The following NCAM1 variants were observed in gnomAD, a reference collection of about 807,000 sequenced individuals.
NCAM1 encodes antigen recognized by monoclonal antibody 5.1H11.
In NCAM1, 14 loss-of-function variants were observed where a neutral mutation model predicts 109.8. The observed-to-expected ratio is 0.13, with a 90% CI of 0.08 to 0.20. NCAM1 has a LOEUF of 0.20. Ranked by LOEUF, NCAM1 falls within the 10% of genes least tolerant of loss-of-function variation. The probability of loss-of-function intolerance (pLI) is 1.00; values close to 1 mark genes in which losing one functional copy is unlikely to be tolerated. For synonymous variants in NCAM1, 418 were observed against 442.9 expected, an observed-to-expected ratio of 0.94 and a Z score of 0.70; for missense variants, 774 against 1,109.9, an observed-to-expected ratio of 0.70 and a Z score of 4.30.
intron 1 of NCAM1, among the ~76,000 whole-genome samples, chr11:112,990,272 G>A (rs782666220): frequency 2.0e-5 from 3 of 152,116 alleles, no homozygotes; most frequent in Non-Finnish European, 2.9e-5. Context: ...CACTGGTTGG[G>A]TCCTTGGGCA....
intron 7 of NCAM1, among the ~76,000 whole-genome samples, chr11:113,212,774 C>T (rs935167498): frequency 7.9e-5 from 12 of 152,146 alleles, no homozygotes; most frequent in Non-Finnish European, 1.5e-4. Context: ...CCCTCTAAAA[C>T]TTCCCTTTCA....
intron 1 of NCAM1, among the ~76,000 whole-genome samples, chr11:113,156,807 G>C (rs1555103510): frequency 6.6e-6 from 1 of 152,084 alleles, no homozygotes; most frequent in Non-Finnish European, 1.5e-5. Context: ...GAACATATGG[G>C]CAAAGAGGGA....
chr11:113,241,630 C>T (rs1450007800), intron 14 of NCAM1, among the ~76,000 whole-genome samples: 2 of 152,204 alleles, frequency 1.3e-5, no homozygotes, highest in African/African-American at 2.4e-5. Flanking sequence ...ATTAATGTTG[C>T]TATCCTGTCC....
At chr11:113,232,056 T>C (rs1335570571) in intron 10 of NCAM1, 114 bp from the exon 11 acceptor site, 1 of 1,106,294 alleles carries the variant, frequency 9.0e-7, no homozygotes, top group Non-Finnish European at 1.3e-6. Flanking sequence ...ACCTCTACTA[T>C]ACCAGGCGCT....
chr11:113,189,045 C>A (rs1313067814), intron 1 of NCAM1, among the ~76,000 whole-genome samples: 1 of 152,136 alleles, frequency 6.6e-6, no homozygotes, highest in Non-Finnish European at 1.5e-5. Flanking sequence ...TCTCCGTAGG[C>A]TTTTCCCTTT....
intron 1 of NCAM1, among the ~76,000 whole-genome samples, chr11:112,991,454 C>T (rs1373705292): frequency 1.3e-5 from 2 of 151,924 alleles, no homozygotes; most frequent in Admixed American, 1.3e-4. Context: ...GAACTGATTA[C>T]ATCCACTAAG....
intron 18 of NCAM1, among the ~76,000 whole-genome samples, chr11:113,271,195 C>T (rs1946261554): frequency 6.6e-6 from 1 of 151,730 alleles, no homozygotes; most frequent in Non-Finnish European, 1.5e-5. Flanking sequence ...CATGGCGAAG[C>T]CCCGCCTCTA....
chr11:113,236,331 T>C, intron 14 of NCAM1: 1 of 1,611,304 alleles, frequency 6.2e-7, no homozygotes, highest in Non-Finnish European at 8.5e-7. Context: ...TGCCTCTTCA[T>C]ACCTCATTAC....
chr11:113,223,403 C>T (rs2137117160), intron 9 of NCAM1, among the ~76,000 whole-genome samples: 1 of 152,064 alleles, frequency 6.6e-6, no homozygotes, highest in East Asian at 1.9e-4. Flanking sequence ...CATCATTAAA[C>T]AGGAGAAATT....
intron 15 of NCAM1, among the ~76,000 whole-genome samples, chr11:113,246,830 T>C (rs1470544716): frequency 6.6e-6 from 1 of 152,246 alleles, no homozygotes; most frequent in East Asian, 1.9e-4. Flanking sequence ...ATATATCAAT[T>C]GCAAAGGTTG....
intron 1 of NCAM1, among the ~76,000 whole-genome samples, chr11:113,007,747 A>C (rs1951925526): frequency 6.6e-6 from 1 of 152,176 alleles, no homozygotes; most frequent in Non-Finnish European, 1.5e-5. Flanking sequence ...CAACAGTGAA[A>C]CACTCTTACC....
Position 113,061,634 on chromosome 11 carries a change from G to A in NCAM1, c.52+99970G>A, listed in dbSNP as rs191932890. 6.6e-5 allele frequency among the ~76,000 whole-genome samples: 10 copies of A among 152,258 alleles called. No homozygotes were observed. The East Asian group carries it at 7.7e-4, about 12-fold the overall frequency. On this transcript the variant is annotated intron_variant, in intron 1 of 19. Coordinates refer to ENST00000316851, the MANE Select transcript of NCAM1 (RefSeq NM_181351.5). Reference sequence around the variant, plus strand: ...CCCATTGGGCCAGCTTGGTTGGCTCGCACATGGGACAAATACGTGGAACTC... The same window carrying A: ...CCCATTGGGCCAGCTTGGTTGGCTCACACATGGGACAAATACGTGGAACTC...
intron 8 of NCAM1, among the ~76,000 whole-genome samples, chr11:113,218,507 A>G (rs782815659): frequency 1.3e-5 from 2 of 152,178 alleles, no homozygotes; most frequent in Non-Finnish European, 2.9e-5. Context: ...AAGGCATTCA[A>G]CCATAGACAT....
At chr11:113,231,358 G>T in intron 9 of NCAM1, 1 of 1,466,994 alleles carries the variant, frequency 6.8e-7, no homozygotes, top group African/African-American at 1.4e-5. Context: ...AGTCATCTTG[G>T]GGGACCTAGC....
At chr11:113,155,526 A>ACAAAAT (rs1555103322) in intron 1 of NCAM1, among the ~76,000 whole-genome samples, 1 of 151,854 alleles carries the variant, frequency 6.6e-6, no homozygotes, top group Non-Finnish European at 1.5e-5. Context: ...AAAACAAAAA[A>ACAAAAT]CAAAAAACAA....
rs1490907258 is a variant in NCAM1, at chr11:113,276,888, T to TC, written c.*1504dup. The TC allele has an allele frequency of 2.0e-5, 3 of 153,088 alleles. No homozygotes were observed. The highest frequency in any genetic ancestry group is 6.5e-5 in the Admixed American group (1 of 15,290). The allele number at this position is 153,088 out of a possible 1,614,324, so 9.5% of individuals were successfully genotyped here. ...TTTGTATAGAAATTTTGCTTTTTTT[T>TC]CCCTCATTCTACTTTAGAACTGCAA... On this transcript the variant is annotated 3_prime_UTR_variant, in exon 20 of 20. Transcript: ENST00000316851.
chr11:113,112,662 T>TTA (rs1452209442), intron 1 of NCAM1, among the ~76,000 whole-genome samples: 1 of 152,180 alleles, frequency 6.6e-6, no homozygotes, highest in Non-Finnish European at 1.5e-5. Context: ...ACAGCAAACA[T>TTA]TATGAGAGTG....
chr11:113,091,505 A>C (rs1374030958), intron 1 of NCAM1, among the ~76,000 whole-genome samples: 1 of 152,212 alleles, frequency 6.6e-6, no homozygotes, highest in African/African-American at 2.4e-5. Flanking sequence ...AGAGGGTAAG[A>C]AGGCTAGGAT....
chr11:113,241,103 G>T (rs1298054337), intron 14 of NCAM1, among the ~76,000 whole-genome samples: 2 of 152,192 alleles, frequency 1.3e-5, no homozygotes, highest in African/African-American at 4.8e-5. Context: ...GCCGCCCTGG[G>T]GCCAGCCCTG....
Sources: gnomAD v4.1 joint callset for allele counts (sites outside exome capture counted in the v4.1 genomes callset) on GRCh38, gnomAD v4.1.1 for gene constraint, MANE v1.5 for transcripts, NCBI Gene and HGNC (gene_info 2026-07-23, HGNC 2026-07-21) for gene names.